Variants in PPP2R2D observed in about 807,000 individuals in gnomAD.
The protein encoded by PPP2R2D is serine/threonine-protein phosphatase 2A 55 kDa regulatory subunit B delta isoform.
PPP2R2D carries 9 observed loss-of-function variants against 31.1 expected under a neutral mutation model. That is an observed-to-expected ratio of 0.29 (90% CI 0.17 to 0.51). PPP2R2D has a LOEUF of 0.51. Ranked by LOEUF, PPP2R2D falls within the 20% of genes least tolerant of loss-of-function variation. The probability of loss-of-function intolerance (pLI) is 0.98; values close to 1 mark genes in which losing one functional copy is unlikely to be tolerated. For synonymous variants in PPP2R2D, 179 were observed against 172.6 expected (o/e 1.04, Z -0.29); for missense variants, 391 against 465.6 (o/e 0.84, Z 1.48).
chr10:131,963,826 C>G (rs953536232), downstream of PPP2R2D, among the ~76,000 whole-genome samples: 1 of 152,224 alleles, frequency 6.6e-6, no homozygotes, highest in African/African-American at 2.4e-5. Flanking sequence ...CACCCAGCCC[C>G]CTAACAATGG....
rs1467567484 is a variant in PPP2R2D, at chr10:131,959,052, C to T, written c.*3089C>T. The T allele has an allele frequency of 9.2e-6, 1 of 109,004 alleles. No homozygotes were observed. The highest frequency in any genetic ancestry group is 1.8e-5 in the Non-Finnish European group (1 of 54,356). The allele number at this position is 109,004 out of a possible 1,614,324, so 6.8% of individuals were successfully genotyped here. ...TGTGGAGATGAAGGCGTGTGCTCAT[C>T]CCCCATCCCCCTGTGGAGATGAAGG... On this transcript the variant is annotated 3_prime_UTR_variant, in exon 9 of 9. Transcript: ENST00000455566.
chr10:131,951,282 G>A (rs1370252585), intron 8 of PPP2R2D, among the ~76,000 whole-genome samples: 2 of 152,220 alleles, frequency 1.3e-5, no homozygotes, highest in Non-Finnish European at 2.9e-5. Flanking sequence ...ACAAGAAAAC[G>A]TGCTCAGATA....
chr10:131,965,332 G>A, the PPP2R2D span, among the ~76,000 whole-genome samples: 2 of 152,174 alleles, frequency 1.3e-5, no homozygotes, highest in East Asian at 3.9e-4. Flanking sequence ...CTTAAGGCTG[G>A]GTGGGCCCAG....
the PPP2R2D span, chr10:131,968,281 A>G: frequency 5.9e-6 from 2 of 341,292 alleles, no homozygotes; most frequent in South Asian, 7.9e-5. Context: ...ATGAAAATTT[A>G]CTACCAAATT....
chr10:131,961,846 ATTATC>A (rs1303228381), downstream of PPP2R2D, among the ~76,000 whole-genome samples: 9 of 148,548 alleles, frequency 6.1e-5, no homozygotes, highest in African/African-American at 1.5e-4. Context: ...TTTTTTTTAC[ATTATC>A]TTAAGGACTG....
chr10:131,915,018 G>C (rs1358563060), intron 2 of PPP2R2D, among the ~76,000 whole-genome samples: 1 of 151,884 alleles, frequency 6.6e-6, no homozygotes, highest in Non-Finnish European at 1.5e-5. Context: ...CCCACCTTCT[G>C]TTGTGCTCCG....
Position 131,947,696 on chromosome 10 carries a change from C to T in PPP2R2D, c.987C>T (p.His329=), listed in dbSNP as rs375481282. 27 of 1,614,154 alleles carry T rather than the reference C, an allele frequency of 1.7e-5. No homozygotes were observed. Among genetic ancestry groups the T allele is most frequent in the Non-Finnish European group, 1.9e-5 (23 of 1,180,038 alleles). ...LNMESRPVET[H]QVHEYLRSKL... is the part of the protein sequence containing the mutation. ...TGGAGAGCAGGCCGGTGGAGACCCA[C>T]CAGGTCCACGAGTACCTGCGCAGCA... Residue 329 remains histidine, a synonymous_variant, in exon 8 of 9, where the codon CAC becomes CAT. Transcript: ENST00000455566. This position sits in a 1 kb window ranked among gnomAD's most constrained non-coding sequence, Gnocchi z 4.3.
chr10:131,919,807 AG>A (rs1326212237), intron 2 of PPP2R2D, among the ~76,000 whole-genome samples: 2 of 139,844 alleles, frequency 1.4e-5, no homozygotes, highest in African/African-American at 5.4e-5. Context: ...TAGGGACCTC[AG>A]GCGGGTGGAG....
chr10:131,935,708 G>C (rs1217230035), intron 3 of PPP2R2D, among the ~76,000 whole-genome samples: 1 of 150,336 alleles, frequency 6.7e-6, no homozygotes, highest in Non-Finnish European at 1.5e-5. Context: ...TTCACAGTTT[G>C]ATACATTTAT....
chr10:131,912,652 A>G (rs2035703471), intron 2 of PPP2R2D: 1 of 152,250 alleles, frequency 6.6e-6, no homozygotes, highest in African/African-American at 2.4e-5. Context: ...AAGTATCAGG[A>G]AGATGAAGTT....
chr10:131,924,190 T>G (rs1301044562), intron 2 of PPP2R2D, among the ~76,000 whole-genome samples: 1 of 152,178 alleles, frequency 6.6e-6, no homozygotes, highest in Non-Finnish European at 1.5e-5. Flanking sequence ...CTTATTTTTT[T>G]CTTTCAGAAG....
rs1692655553 is a variant in PPP2R2D, at chr10:131,901,335, G to A, written c.100+5G>A. The A allele has an allele frequency of 5.6e-6, 2 of 357,374 alleles. No homozygotes were observed. Among genetic ancestry groups the A allele is most frequent in the Non-Finnish European group, 1.0e-5 (2 of 199,296 alleles). 22.1% of individuals were successfully genotyped at this position (357,374 alleles called of 1,614,324 possible). A position where few individuals can be genotyped will look rare whatever the true frequency, so the allele number is the denominator to read the frequency against. ...TCGACGAGGACGTGGCCGAAGGTGA[G>A]CCCCGCGCCGCGCCCCGCCCCGGGA... On this transcript the variant is annotated splice_donor_5th_base_variant and intron_variant, in intron 2 of 8. Transcript: ENST00000455566.
Position 131,947,565 on chromosome 10 carries a change from T to C in PPP2R2D, c.856T>C (p.Phe286Leu). ...GCCTGAAGATCCCAGCAGTAGGTCC[T>C]TCTTCTCAGAAATAATTTCATCCAT... ...EEPEDPSSRS[F>L]FSEIISSISD... Residue 286 changes from phenylalanine to leucine, a missense_variant, in exon 8 of 9, where the codon TTC (phenylalanine) becomes CTC (leucine). By Grantham distance (22) the Phe-to-Leu change is conservative. Transcript: ENST00000455566. The surrounding 1 kb of genome is among the most constrained non-coding windows in gnomAD (Gnocchi z 4.3). 1 of 1,614,230 alleles carries C rather than the reference T, an allele frequency of 6.2e-7. No individual in the cohort carries two copies. Among genetic ancestry groups the C allele is most frequent in the Non-Finnish European group, 8.5e-7 (1 of 1,180,030 alleles).
chr10:131,971,334 GA>G, the PPP2R2D span: 1 of 258,924 alleles, frequency 3.9e-6, no homozygotes, highest in Non-Finnish European at 7.5e-6. Flanking sequence ...CTGGTTATAA[GA>G]AAAGAAAATG....
rs538197178 is a variant in PPP2R2D, at chr10:131,958,979, C to T, written c.*3016C>T. On this transcript the variant is annotated 3_prime_UTR_variant, in exon 9 of 9. Transcript: ENST00000455566. ...GTGGAGATGAAGGCGTGTGCTGATC[C>T]GCCATCCCACTGTGGAGATGAAGGC... 1.4e-4 allele frequency: 20 copies of T among 138,852 alleles called. No individual in the cohort carries two copies. Among genetic ancestry groups the T allele is most frequent in the Admixed American group, 3.2e-4 (4 of 12,468 alleles). 8.6% of individuals were successfully genotyped at this position (138,852 alleles called of 1,614,324 possible). A position where few individuals can be genotyped will look rare whatever the true frequency, so the allele number is the denominator to read the frequency against.
At chr10:131,924,192 T>C (rs2036053882) in intron 2 of PPP2R2D, among the ~76,000 whole-genome samples, 1 of 152,170 alleles carries the variant, frequency 6.6e-6, no homozygotes, top group African/African-American at 2.4e-5. Context: ...TATTTTTTTC[T>C]TTCAGAAGTT....
At chr10:131,962,996 C>G (rs2036943263), downstream of PPP2R2D, among the ~76,000 whole-genome samples, 1 of 152,174 alleles carries the variant, frequency 6.6e-6, no homozygotes. Flanking sequence ...AACCCCGTCT[C>G]TACTAAAAAT....
the PPP2R2D span, chr10:131,971,114 G>A: frequency 1.4e-6 from 1 of 739,344 alleles, no homozygotes; most frequent in Non-Finnish European, 2.2e-6. Flanking sequence ...TGGTCCAAGG[G>A]GAGTCCTGGG....
intron 3 of PPP2R2D, among the ~76,000 whole-genome samples, chr10:131,936,011 C>G (rs1480385314): frequency 6.6e-6 from 1 of 151,310 alleles, no homozygotes; most frequent in African/African-American, 2.4e-5. Flanking sequence ...TGCGGTGAGC[C>G]AAGATCGTGC....
Sources: gnomAD v4.1 joint callset for allele counts (sites outside exome capture counted in the v4.1 genomes callset) on GRCh38, gnomAD v4.1.1 for gene constraint, Gnocchi (gnomAD v3.1) non-coding constraint, MANE v1.5 for transcripts, NCBI Gene and HGNC (gene_info 2026-07-23, HGNC 2026-07-21) for gene names.